The following HYDIN variants were observed in gnomAD, a reference collection of about 807,000 sequenced individuals.
HYDIN encodes the protein axonemal central pair apparatus protein HYDIN.
In HYDIN, 132 loss-of-function variants were observed where a neutral mutation model predicts 403.9. The ratio of observed to expected loss-of-function variants is 0.33; its 90% confidence interval spans 0.28 to 0.38. HYDIN has a LOEUF of 0.38. Among genes scored for constraint, HYDIN ranks in the 10% least tolerant of loss-of-function variants. The probability of loss-of-function intolerance (pLI) is 1.00; values close to 1 mark genes in which losing one functional copy is unlikely to be tolerated. For synonymous variants in HYDIN, 1,202 were observed against 1,891.7 expected, an observed-to-expected ratio of 0.64 and a Z score of 9.46; for missense variants, 2,827 against 5,009.5, an observed-to-expected ratio of 0.56 and a Z score of 13.15.
intron 10 of HYDIN, among the ~76,000 whole-genome samples, chr16:71,114,762 T>C (rs1324092387): frequency 8.0e-6 from 1 of 124,778 alleles, no homozygotes; most frequent in Admixed American, 8.5e-5. Context: ...TTCACCCTAT[T>C]TTCCATGTTT....
At chr16:70,905,806 C>T (rs2076520083) in intron 50 of HYDIN, among the ~76,000 whole-genome samples, 1 of 151,810 alleles carries the variant, frequency 6.6e-6, no homozygotes, top group African/African-American at 2.4e-5. Flanking sequence ...CTTTGAACAA[C>T]CATCATTTCC....
intron 83 of HYDIN, among the ~76,000 whole-genome samples, chr16:70,819,722 T>C (rs1407532984): frequency 6.7e-6 from 1 of 149,194 alleles, no homozygotes; most frequent in Non-Finnish European, 1.5e-5. Context: ...CATTGGGTTG[T>C]TTTATCTTAT....
chr16:71,146,231 C>T (rs564876502), intron 7 of HYDIN, among the ~76,000 whole-genome samples: 21 of 151,810 alleles, frequency 1.4e-4, no homozygotes, highest in South Asian at 4.2e-4. Context: ...TTTCAAACTC[C>T]TGATTTAAAA....
chr16:71,133,338 A>G (rs1262832488), intron 8 of HYDIN: 7 of 450,822 alleles, frequency 1.6e-5, no homozygotes, highest in Non-Finnish European at 2.7e-5. Context: ...TCTGTGATCA[A>G]TGTTACAAAT....
chr16:71,207,645 A>G lies in HYDIN; in HGVS notation c.-23-20727T>C, dbSNP rs144677591. Among the ~76,000 whole-genome samples the G allele has an allele frequency of 2.9e-3, 449 of 152,340 alleles. 2 individuals are homozygous for G. The highest frequency in any genetic ancestry group is 0.01 in the African/African-American group (425 of 41,576). ...AGAGTGGCAAGCTGAATGAAGAAGC[A>G]AGACCCAATGGTATGCTGTCTTCAA... is the stretch of plus-strand genomic sequence containing the variant. On this transcript the variant is annotated intron_variant, in intron 1 of 85. Transcript: ENST00000393567.
chr16:71,130,089 C>A (rs903565629), intron 8 of HYDIN, among the ~76,000 whole-genome samples: 2 of 152,220 alleles, frequency 1.3e-5, no homozygotes, highest in African/African-American at 4.8e-5. Context: ...CTCCTGAGCC[C>A]TTATGTATAT....
chr16:70,928,424 T>C (rs1319651113), intron 45 of HYDIN, among the ~76,000 whole-genome samples: 3 of 152,028 alleles, frequency 2.0e-5, no homozygotes, highest in African/African-American at 4.8e-5. Context: ...CGCCAAGCAC[T>C]CCAGCACCTG....
intron 20 of HYDIN, among the ~76,000 whole-genome samples, chr16:71,026,601 A>G (rs1271280781): frequency 1.3e-5 from 2 of 152,178 alleles, no homozygotes; most frequent in East Asian, 3.9e-4. Context: ...TATTTGTCAC[A>G]TGGTATACAC....
chr16:71,211,258 A>C (rs1391779426), intron 1 of HYDIN, among the ~76,000 whole-genome samples: 1 of 152,162 alleles, frequency 6.6e-6, no homozygotes, highest in Non-Finnish European at 1.5e-5. Flanking sequence ...GGTCCACATC[A>C]CTTAAACTGT....
intron 4 of HYDIN, among the ~76,000 whole-genome samples, chr16:71,178,307 T>C (rs974915708): frequency 2.6e-5 from 4 of 151,242 alleles, no homozygotes; most frequent in African/African-American, 4.9e-5. Context: ...TAGTCCCAGC[T>C]ACTGGGGAGG....
intron 12 of HYDIN, among the ~76,000 whole-genome samples, chr16:71,082,592 C>G (rs1254909573): frequency 6.6e-6 from 1 of 151,430 alleles, no homozygotes; most frequent in African/African-American, 2.4e-5. Flanking sequence ...AGAGGCTTAC[C>G]CTGCACAGAG....
chr16:70,920,579 G>A lies in HYDIN; in HGVS notation c.7785+12C>T, dbSNP rs1377001267. The A allele has an allele frequency of 1.1e-5, 17 of 1,593,396 alleles. No homozygotes were observed. Among genetic ancestry groups the A allele is most frequent in the South Asian group, 5.7e-5 (5 of 88,056 alleles). The stretch of plus-strand genomic sequence containing the variant: ...GACTTGAGACTTCCCCACCCTGGAG[G>A]AGAGTCCATACCTGCTCTCCTTTGG... On this transcript the variant is annotated intron_variant, in intron 46 of 85. Transcript: ENST00000393567.
At chr16:71,098,500 C>T (rs1476294393) in intron 10 of HYDIN, among the ~76,000 whole-genome samples, 1 of 151,600 alleles carries the variant, frequency 6.6e-6, no homozygotes, top group East Asian at 2.0e-4. Flanking sequence ...CCGCGCCCGG[C>T]CAATAAAACT....
chr16:71,036,911 A>C (rs2144178579), intron 18 of HYDIN, among the ~76,000 whole-genome samples: 1 of 152,224 alleles, frequency 6.6e-6, no homozygotes, highest in Admixed American at 6.5e-5. Context: ...TATTAAATGG[A>C]AAATTTGACT....
chr16:71,128,214 C>G (rs1010964795), intron 9 of HYDIN, among the ~76,000 whole-genome samples: 3 of 152,198 alleles, frequency 2.0e-5, no homozygotes, highest in African/African-American at 7.2e-5. Flanking sequence ...CTCACATAGC[C>G]GGCCCCAGAA....
intron 1 of HYDIN, among the ~76,000 whole-genome samples, chr16:71,190,857 AG>A (rs2087400751): frequency 6.6e-6 from 1 of 152,232 alleles, no homozygotes; most frequent in Non-Finnish European, 1.5e-5. Context: ...CAGGAGATAG[AG>A]GGAAAGAGGA....
At position 70,829,592 on chromosome 16, in the gene HYDIN, A is replaced by G. The variant is rs751477924; in HGVS notation, c.14112+26T>C. The G allele has an allele frequency of 4.4e-6, 7 of 1,594,590 alleles. No homozygotes were observed. The East Asian group carries it at 8.9e-5, about 20-fold the overall frequency. Reference sequence around the variant, plus strand: ...CACCTTCAACTATGCCAGGAAACCAATGGGGGTGGGGGGACCTCAGTCTAC... The same window carrying G: ...CACCTTCAACTATGCCAGGAAACCAGTGGGGGTGGGGGGACCTCAGTCTAC... On this transcript the variant is annotated intron_variant, in intron 81 of 85. Transcript: ENST00000393567.
chr16:70,824,563 T>C (rs944409856), intron 83 of HYDIN, among the ~76,000 whole-genome samples: 15 of 151,938 alleles, frequency 9.9e-5, no homozygotes, highest in Non-Finnish European at 2.2e-4. Context: ...GGTCTTGCTC[T>C]GTTGCCCAGG....
At position 71,076,179 on chromosome 16, in the gene HYDIN, C is replaced by T. The variant is rs539551846; in HGVS notation, c.1738+3706G>A. Among the ~76,000 whole-genome samples, 50 of 152,268 alleles carry T rather than the reference C, an allele frequency of 3.3e-4. 1 individual carries two copies. The South Asian group carries it at 9.3e-3, about 28-fold the overall frequency. ...GAGAGATTAACTTCACACTGTCCAACGGAAATACAATGCAAAACACAAATA... is the reference window on the plus strand; with the variant it reads ...GAGAGATTAACTTCACACTGTCCAATGGAAATACAATGCAAAACACAAATA... On this transcript the variant is annotated intron_variant, in intron 13 of 85. Transcript: ENST00000393567.
Sources: gnomAD v4.1 joint callset for allele counts (sites outside exome capture counted in the v4.1 genomes callset) on GRCh38, gnomAD v4.1.1 for gene constraint, MANE v1.5 for transcripts, NCBI Gene and HGNC (gene_info 2026-07-23, HGNC 2026-07-21) for gene names.